Variants in MYT1L observed in about 807,000 individuals in gnomAD.
MYT1L encodes the protein myelin transcription factor 1 like.
MYT1L carries 12 observed loss-of-function variants against 126.7 expected under a neutral mutation model. That is an observed-to-expected ratio of 0.09 (90% CI 0.06 to 0.15). MYT1L has a LOEUF of 0.15. Among genes scored for constraint, MYT1L ranks in the 10% least tolerant of loss-of-function variants. The pLI, the probability that MYT1L is intolerant of heterozygous loss-of-function variation, is 1.00. For missense variants in MYT1L, 979 were observed against 1,585.2 expected, an observed-to-expected ratio of 0.62 and a Z score of 6.49; for synonymous variants, 541 against 604.2, an observed-to-expected ratio of 0.90 and a Z score of 1.53.
chr2:1,990,518 A>G (rs1416080148), intron 5 of MYT1L, among the ~76,000 whole-genome samples: 3 of 152,178 alleles, frequency 2.0e-5, no homozygotes, highest in Non-Finnish European at 4.4e-5. Context: ...CATGGAGGGC[A>G]GTGGGGAAGA....
intron 19 of MYT1L, chr2:1,841,712 G>C (rs916383165): frequency 6.6e-6 from 1 of 152,168 alleles, no homozygotes; most frequent in African/African-American, 2.4e-5. Context: ...TGCATGTCGG[G>C]GGTGAACATG....
At chr2:1,948,312 C>T (rs12997903) in intron 8 of MYT1L, among the ~76,000 whole-genome samples, 6,594 of 152,234 alleles carry the variant, frequency 0.043, 159 homozygotes, top group African/African-American at 0.064. Flanking sequence ...TAATGTAAAG[C>T]GTGAATACAG....
chr2:2,217,682 C>CAA (rs2093717502), intron 2 of MYT1L, among the ~76,000 whole-genome samples: 1 of 74,930 alleles, frequency 1.3e-5, no homozygotes, highest in Non-Finnish European at 2.6e-5. Context: ...ACAACAACAA[C>CAA]AACAACAACA....
intron 18 of MYT1L, chr2:1,886,237 G>A (rs941198076): frequency 1.1e-5 from 3 of 282,542 alleles, no homozygotes; most frequent in Admixed American, 5.2e-5. Context: ...TTGAGTAACT[G>A]TAAAATTTCC....
At chr2:2,158,987 C>A (rs746530689) in intron 3 of MYT1L, among the ~76,000 whole-genome samples, 2 of 152,204 alleles carry the variant, frequency 1.3e-5, no homozygotes, top group Non-Finnish European at 2.9e-5. Flanking sequence ...TGTTACAGCA[C>A]ATATGCAGCA....
intron 3 of MYT1L, among the ~76,000 whole-genome samples, chr2:2,140,006 T>C (rs1459058654): frequency 6.6e-6 from 1 of 152,234 alleles, no homozygotes; most frequent in Non-Finnish European, 1.5e-5. Flanking sequence ...CAACATGATA[T>C]ATCACATAAA....
At chr2:1,797,023 T>C (rs2033684193) in intron 23 of MYT1L, among the ~76,000 whole-genome samples, 2 of 152,184 alleles carry the variant, frequency 1.3e-5, no homozygotes, top group South Asian at 4.1e-4. Context: ...CGGGCTCTGG[T>C]GTGAACTGAG....
In MYT1L at chr2:1,979,757, C is replaced by G. The variant is rs191317359; in HGVS notation, c.21G>C (p.Glu7Asp). Residue 7 changes from glutamate to aspartate, a missense_variant, in exon 6 of 25, where the codon GAG becomes GAC. Transcript: ENST00000647738. The surrounding 1 kb of genome is among the most constrained non-coding windows in gnomAD (Gnocchi z 4.0). ...CTTTGGACCGCGTGCGATGCCGCTT[C>G]TCCTCGGTGTCCACCTCCATCTGGG... Reference protein sequence around the residue: MEVDTEEKRHRTRSKGV... With the variant: MEVDTEDKRHRTRSKGV... 1.3e-4 allele frequency: 202 copies of G among 1,614,030 alleles called. No individual in the cohort carries two copies. The highest frequency in any genetic ancestry group is 1.3e-4 in the Admixed American group (8 of 60,032).
chr2:1,968,298 C>T (rs557669786), intron 8 of MYT1L, among the ~76,000 whole-genome samples: 1 of 152,330 alleles, frequency 6.6e-6, no homozygotes, highest in East Asian at 1.9e-4. Flanking sequence ...AGCGTCTGCA[C>T]TTCATTCAGA....
In MYT1L at chr2:2,287,046, C is replaced by T. The variant is rs146524582; in HGVS notation, c.-520-2543G>A. ...CCAAGGCAGGCGGATCACCTGAGGT[C>T]GGGAGTTCGAGACCAGTCTGACCAA... is the stretch of plus-strand genomic sequence containing the variant. On this transcript the variant is annotated intron_variant, in intron 1 of 24. Coordinates refer to ENST00000647738, the MANE Select transcript of MYT1L (RefSeq NM_001303052.2). Among the ~76,000 whole-genome samples the T allele has an allele frequency of 1.6e-4, 25 of 152,218 alleles. No individual in the cohort carries two copies. In the East Asian group the frequency reaches 4.6e-3, roughly 28 times the overall value.
chr2:2,170,644 A>C (rs2089906567), intron 3 of MYT1L, among the ~76,000 whole-genome samples: 1 of 152,222 alleles, frequency 6.6e-6, no homozygotes, highest in Non-Finnish European at 1.5e-5. Flanking sequence ...AAATCTATTT[A>C]TTTCTATGTA....
intron 18 of MYT1L, among the ~76,000 whole-genome samples, chr2:1,884,993 G>A (rs752318612): frequency 2.6e-5 from 4 of 152,236 alleles, no homozygotes; most frequent in Non-Finnish European, 5.9e-5. Context: ...CCAACGTGAA[G>A]GGATGCAAGC....
At position 2,016,696 on chromosome 2, in the gene MYT1L, G is replaced by A. The variant is rs76207022; in HGVS notation, c.-157-19349C>T. Among the ~76,000 whole-genome samples, 298 of 152,352 alleles carry A rather than the reference G, an allele frequency of 2.0e-3. 13 individuals carry two copies. The East Asian group carries it at 0.052, about 27-fold the overall frequency. On this transcript the variant is annotated intron_variant, in intron 4 of 24. Transcript: ENST00000647738. ...AATATTTAGAATCAAGAGGGAGAAA[G>A]AAGCTGGCATGCTGGATAAGAAAAG...
chr2:2,236,982 T>C (rs1383841351), intron 2 of MYT1L, among the ~76,000 whole-genome samples: 1 of 151,990 alleles, frequency 6.6e-6, no homozygotes, highest in Non-Finnish European at 1.5e-5. Context: ...CCCAGCTAAT[T>C]TATGTACTAT....
At chr2:1,973,610 A>G (rs1287964238) in intron 8 of MYT1L, among the ~76,000 whole-genome samples, 1 of 152,256 alleles carries the variant, frequency 6.6e-6, no homozygotes, top group Admixed American at 6.5e-5. Context: ...ATTCTGGATG[A>G]ATAACAACGT....
At chr2:2,142,277 G>A (rs567171779) in intron 3 of MYT1L, among the ~76,000 whole-genome samples, 13 of 152,250 alleles carry the variant, frequency 8.5e-5, no homozygotes, top group Admixed American at 5.9e-4. Context: ...GCTTAAGGAC[G>A]CAGTGGATGT....
At chr2:2,075,028 C>G (rs994316140) in intron 3 of MYT1L, among the ~76,000 whole-genome samples, 2 of 152,142 alleles carry the variant, frequency 1.3e-5, no homozygotes, top group African/African-American at 4.8e-5. Context: ...GAAACATGTT[C>G]ACAATCCCAC....
intron 3 of MYT1L, among the ~76,000 whole-genome samples, chr2:2,158,848 C>G (rs2087247068): frequency 6.6e-6 from 1 of 152,122 alleles, no homozygotes; most frequent in African/African-American, 2.4e-5. Flanking sequence ...GACCCAGAGC[C>G]TCTGCTCCAG....
intron 2 of MYT1L, among the ~76,000 whole-genome samples, chr2:2,217,706 CAA>C (rs35934436): frequency 0.091 from 8,243 of 91,078 alleles, 639 homozygotes; most frequent in East Asian, 0.13. Flanking sequence ...ACAACAACAA[CAA>C]AAAAAAAAAA....
Sources: gnomAD v4.1 joint callset for allele counts (sites outside exome capture counted in the v4.1 genomes callset) on GRCh38, gnomAD v4.1.1 for gene constraint, Gnocchi (gnomAD v3.1) non-coding constraint, MANE v1.5 for transcripts, NCBI Gene and HGNC (gene_info 2026-07-23, HGNC 2026-07-21) for gene names.